GYS1: variants seen among roughly 807,000 people sequenced by gnomAD.
The protein encoded by GYS1 is glycogen [starch] synthase, muscle.
Under a neutral mutation model 89.1 loss-of-function variants are expected in GYS1, and 60 were observed. The ratio of observed to expected loss-of-function variants is 0.67; its 90% CI spans 0.55 to 0.84. The LOEUF is 0.84. GYS1 is among the 40% of genes least tolerant of loss of function. The probability of loss-of-function intolerance (pLI) is 0.00; values close to 1 mark genes in which losing one functional copy is unlikely to be tolerated. For synonymous variants in GYS1, 366 were observed against 401.7 expected (o/e 0.91, Z 1.06); for missense variants, 888 against 1,003.1 (o/e 0.89, Z 1.55).
chr19:48,985,265 G>C (rs2038823786), intron 5 of GYS1, among the ~76,000 whole-genome samples, 196 bp downstream of exon 5: 1 of 152,144 alleles, frequency 6.6e-6, no homozygotes, highest in Non-Finnish European at 1.5e-5. Context: ...TCAAATTCCC[G>C]GGCTCAAGTG....
chr19:48,991,598 G>C lies in GYS1; in HGVS notation c.119-115C>G. 1 of 1,100,128 alleles carries C rather than the reference G, an allele frequency of 9.1e-7. No individual in the cohort carries two copies. The highest frequency in any genetic ancestry group is 1.3e-5 in the South Asian group (1 of 76,296). The allele number at this position is 1,100,128 out of a possible 1,614,324, so 68.1% of individuals were successfully genotyped here. A position where few individuals can be genotyped will look rare whatever the true frequency, so the allele number is the denominator to read the frequency against. ...TCAGGCCCCAGACCTCTAGCTCAGG[G>C]GGAAGAGGGGACTGGGAGCCCATAG... is the stretch of plus-strand genomic sequence containing the variant. On this transcript the variant is annotated intron_variant, in intron 1 of 15. Coordinates refer to ENST00000323798, the MANE Select transcript of GYS1 (RefSeq NM_002103.5). The surrounding 1 kb of genome is among the most constrained non-coding windows in gnomAD (Gnocchi z 4.7).
intron 3 of GYS1, among the ~76,000 whole-genome samples, chr19:48,986,499 TTTTC>T (rs1479643802): frequency 1.3e-5 from 2 of 151,376 alleles, no homozygotes; most frequent in African/African-American, 2.4e-5. Flanking sequence ...CTTTTTTTTT[TTTTC>T]TTTTTCTTTT....
rs777178030 is a variant in GYS1 at position 48,979,336 on chromosome 19, C to CTTTTTTTTTTTTTTTT, written c.1170-1195_1170-1180dup. ...TTTGTCTCTTTTTCTTTTTTCTTTTCTTTTTTTTTTTTTTTTTTTTTTTTT... is the reference window on the plus strand; with the variant it reads ...TTTGTCTCTTTTTCTTTTTTCTTTTCTTTTTTTTTTTTTTTTTTTTTTTTTTTTTTTTTTTTTTTTT... On this transcript the variant is annotated intron_variant, in intron 8 of 15. Transcript: ENST00000323798. 8.2e-4 allele frequency among the ~76,000 whole-genome samples: 76 copies of CTTTTTTTTTTTTTTTT among 92,680 alleles called. 7 individuals carry two copies. The highest frequency in any genetic ancestry group is 1.1e-3 in the Non-Finnish European group (51 of 44,874). 60.8% of individuals were successfully genotyped at this position (92,680 alleles called of 152,430 possible).
At chr19:48,979,956 T>G (rs1181120210) in intron 8 of GYS1, among the ~76,000 whole-genome samples, 1 of 152,006 alleles carries the variant, frequency 6.6e-6, no homozygotes, top group Non-Finnish European at 1.5e-5. Context: ...TTCTTTTTTA[T>G]TTTTTTGAGA....
intron 15 of GYS1, 29 bp from the exon 16 acceptor site, chr19:48,969,640 G>A (rs754729362): frequency 3.8e-6 from 6 of 1,562,904 alleles, no homozygotes; most frequent in Non-Finnish European, 4.3e-6. Context: ...GTGCAAACCA[G>A]GGTGAGCTGA....
chr19:48,970,567 C>A lies in GYS1; in HGVS notation c.1788G>T (p.Leu596=), dbSNP rs2038547484. The part of the protein sequence containing the change: ...RNRTERLSDL[L]DWKYLGRYYM... Reference sequence around the variant, plus strand: ...CTACCCGGCCTAGGTATTTCCAGTCCAGAAGGTCGGAGAGGCGCTCCGTGC... The same window carrying A: ...CTACCCGGCCTAGGTATTTCCAGTCAAGAAGGTCGGAGAGGCGCTCCGTGC... The change falls in exon 14 of 16, where the codon CTG becomes CTT. Residue 596 remains leucine, a synonymous_variant. Transcript: ENST00000323798. 1 of 1,613,756 alleles carries A rather than the reference C, an allele frequency of 6.2e-7. No homozygotes were observed. Among genetic ancestry groups the A allele is most frequent in the Non-Finnish European group, 8.5e-7 (1 of 1,179,876 alleles).
chr19:48,974,136 G>A lies in GYS1; in HGVS notation c.1549+77C>T, dbSNP rs2038607490. 25 of 1,454,194 alleles carry A rather than the reference G, an allele frequency of 1.7e-5. No homozygotes were observed. In the South Asian group the frequency reaches 1.8e-4, roughly 11 times the overall value. The allele number at this position is 1,454,194 out of a possible 1,614,324, so 90.1% of individuals were successfully genotyped here. ...AAAGAAGGCAACAGGCTCAGAGAAG[G>A]CCAGTGCCTCGCCCCAAGACATGCT... On this transcript the variant is annotated intron_variant, in intron 12 of 15. Transcript: ENST00000323798.
In GYS1 at chr19:48,979,191, A is replaced by G. The variant is rs182641692; in HGVS notation, c.1170-1034T>C. Among the ~76,000 whole-genome samples, 3 of 152,170 alleles carry G rather than the reference A, an allele frequency of 2.0e-5. 1 individual carries two copies. The highest frequency in any genetic ancestry group is 2.0e-4 in the Admixed American group (3 of 15,258). ...CCCCATTTTATACGAAAAGAAAGTA[A>G]GATTCTGAGAAAGGACCACTTAGGC... On this transcript the variant is annotated intron_variant, in intron 8 of 15. Coordinates refer to ENST00000323798, the MANE Select transcript of GYS1 (RefSeq NM_002103.5).
At position 48,968,220 on chromosome 19, in the gene GYS1, C is replaced by T. The variant is rs543342281; in HGVS notation, c.*1068G>A. ...CCTCCCCTCTCAACTGCAAACCAAG[C>T]GGTGCAGACACAGCACAGCACACAT... On this transcript the variant is annotated 3_prime_UTR_variant, in exon 16 of 16. Transcript: ENST00000323798. 4 of 454,088 alleles carry T rather than the reference C, an allele frequency of 8.8e-6. No individual in the cohort carries two copies. The highest frequency in any genetic ancestry group is 3.1e-5 in the South Asian group (2 of 64,480). The allele number at this position is 454,088 out of a possible 1,614,324, so 28.1% of individuals were successfully genotyped here.
In GYS1 at chr19:48,969,405, G is replaced by A. The variant is rs1288637169; in HGVS notation, c.2097C>T (p.Cys699=). 1 of 1,557,708 alleles carries A rather than the reference G, an allele frequency of 6.4e-7. No homozygotes were observed. Among genetic ancestry groups the A allele is most frequent in the Admixed American group, 1.9e-5 (1 of 52,834 alleles). ...GCTTGCTGCCGCTGGTGGAGGAGGT[G>A]CAGGACGCTCGGCGCGGCCACTCTG... ...RAPEWPRRAS[C]TSSTSGSKRN... Residue 699 remains cysteine (C), a synonymous_variant, in exon 16 of 16, where the codon TGC becomes TGT. Transcript: ENST00000323798.
rs200713082 is a variant in GYS1 at position 48,978,035 on chromosome 19, C to T, written c.1230-33G>A. Reference sequence around the variant, plus strand: ...GCAAGCAGGGGCATGCATGTGAGAACGGAGTAATGAGAGGGGTTAGTCAGG... The same window carrying T: ...GCAAGCAGGGGCATGCATGTGAGAATGGAGTAATGAGAGGGGTTAGTCAGG... On this transcript the variant is annotated intron_variant, in intron 9 of 15. Transcript: ENST00000323798. The T allele has an allele frequency of 1.9e-5, 31 of 1,610,110 alleles. No homozygotes were observed. In the Middle Eastern group the frequency reaches 5.0e-4, roughly 26 times the overall value.
intron 2 of GYS1, among the ~76,000 whole-genome samples, chr19:48,988,370 G>A (rs2038873701): frequency 6.6e-6 from 1 of 152,140 alleles, no homozygotes; most frequent in Admixed American, 6.5e-5. Flanking sequence ...GTCTCGCTCT[G>A]TTGCCCAGGC....
At chr19:48,970,213 C>T (rs537795851) in intron 14 of GYS1, 3 of 446,084 alleles carry the variant, frequency 6.7e-6, no homozygotes, top group Non-Finnish European at 1.2e-5. Context: ...CAGCCTCAAC[C>T]TCCGGGGCTC....
At chr19:48,981,188 G>A (rs2038756010) in intron 8 of GYS1, among the ~76,000 whole-genome samples, 1 of 151,888 alleles carries the variant, frequency 6.6e-6, no homozygotes, top group African/African-American at 2.4e-5. Context: ...GCTGAGGCGG[G>A]CAGATCACGA....
In GYS1 at chr19:48,991,876, C is replaced by G. The variant is rs182807859; in HGVS notation, c.119-393G>C. 6.6e-6 allele frequency among the ~76,000 whole-genome samples: 1 copy of G among 152,064 alleles called. No individual in the cohort carries two copies. The highest frequency in any genetic ancestry group is 1.5e-5 in the Non-Finnish European group (1 of 67,994). On this transcript the variant is annotated intron_variant, in intron 1 of 15. Transcript: ENST00000323798. This position sits in a 1 kb window ranked among gnomAD's most constrained non-coding sequence, Gnocchi z 4.7. ...CTCAGGTTCCCGAGTTCCCAGCTCACAGGAGCTGGGTTTAAATCGCAGCCA... is the reference window on the plus strand; with the variant it reads ...CTCAGGTTCCCGAGTTCCCAGCTCAGAGGAGCTGGGTTTAAATCGCAGCCA...
In GYS1 at chr19:48,974,694, C is replaced by G; in HGVS notation, c.1348G>C (p.Asp450His). 2 of 1,613,948 alleles carry G rather than the reference C, an allele frequency of 1.2e-6. No homozygotes were observed. Among genetic ancestry groups the G allele is most frequent in the Non-Finnish European group, 8.5e-7 (1 of 1,179,944 alleles). The change falls in exon 11 of 16, where the codon GAT becomes CAT. Residue 450 changes from aspartate to histidine, a missense_variant. Transcript: ENST00000323798. Reference protein sequence around the residue: ...FPPVCTHNMLDDSSDPILTTI... With the variant: ...FPPVCTHNMLHDSSDPILTTI... ...GTCAGGATGGGGTCTGAGGAGTCAT[C>G]CAGCATATTGTGGGTGCACACAGGG...
chr19:48,990,175 C>T (rs1296869672), intron 2 of GYS1, among the ~76,000 whole-genome samples: 1 of 152,190 alleles, frequency 6.6e-6, no homozygotes, highest in Admixed American at 6.5e-5. Flanking sequence ...TCTCCATCCC[C>T]AGCCTGGACC....
Position 48,968,239 on chromosome 19 carries a change from C to T in GYS1, c.*1049G>A, listed in dbSNP as rs1349260149. 3 of 454,196 alleles carry T rather than the reference C, an allele frequency of 6.6e-6. No individual in the cohort carries two copies. Among genetic ancestry groups the T allele is most frequent in the African/African-American group, 6.0e-5 (3 of 50,002 alleles). The allele number at this position is 454,196 out of a possible 1,614,324, so 28.1% of individuals were successfully genotyped here. ...ACCAAGCGGTGCAGACACAGCACAG[C>T]ACACATGAGGGGCCCTCCCTTTCAC... On this transcript the variant is annotated 3_prime_UTR_variant, in exon 16 of 16. Coordinates refer to ENST00000323798, the MANE Select transcript of GYS1 (RefSeq NM_002103.5).
At chr19:48,979,178 C>G (rs73577737) in intron 8 of GYS1, among the ~76,000 whole-genome samples, 1 of 151,840 alleles carries the variant, frequency 6.6e-6, no homozygotes, top group South Asian at 2.1e-4. Flanking sequence ...CCATTTTATA[C>G]GAAAAGAAAG....
Sources: gnomAD v4.1 joint callset for allele counts (sites outside exome capture counted in the v4.1 genomes callset) on GRCh38, gnomAD v4.1.1 for gene constraint, Gnocchi (gnomAD v3.1) non-coding constraint, MANE v1.5 for transcripts, NCBI Gene and HGNC (gene_info 2026-07-23, HGNC 2026-07-21) for gene names.